Variants in PARD3 observed in about 807,000 individuals in gnomAD.
PARD3 encodes the protein partitioning defective 3 homolog.
A neutral mutation model predicts 155.4 loss-of-function variants in PARD3; 75 were observed. The ratio of observed to expected loss-of-function variants is 0.48; its 90% CI spans 0.40 to 0.58. The LOEUF is 0.58. Ranked by LOEUF, PARD3 falls within the 20% of genes least tolerant of loss-of-function variation. The pLI is 0.00. For missense variants in PARD3, 1,642 were observed against 1,721.7 expected, an observed-to-expected ratio of 0.95 and a Z score of 0.82; for synonymous variants, 576 against 610.5, an observed-to-expected ratio of 0.94 and a Z score of 0.83.
chr10:34,396,384 A>C (rs7904414), intron 7 of PARD3, among the ~76,000 whole-genome samples: 6,206 of 152,110 alleles, frequency 0.041, 408 homozygotes, highest in African/African-American at 0.14. Flanking sequence ...ACAACAAAAA[A>C]AACTTCATCA....
At position 34,807,390 on chromosome 10, in the gene PARD3, TA is replaced by T. The variant is rs138247614; in HGVS notation, c.120+7485del. 8.7e-3 allele frequency among the ~76,000 whole-genome samples: 1,325 copies of T among 152,356 alleles called. 10 individuals are homozygous for T. The highest frequency in any genetic ancestry group is 0.015 in the Non-Finnish European group (991 of 68,024). ...TTTTTCTAACATCTTTATTGACATA[TA>T]ATCACATAACCATAAACTCCATCCA... is the stretch of plus-strand genomic sequence containing the variant. On this transcript the variant is annotated intron_variant, in intron 1 of 24. Transcript: ENST00000374788.
chr10:34,490,130 T>G (rs1031025513), intron 3 of PARD3, among the ~76,000 whole-genome samples: 1 of 152,118 alleles, frequency 6.6e-6, no homozygotes, highest in Non-Finnish European at 1.5e-5. Context: ...GTGCAGTAAA[T>G]GCACATTAGC....
Position 34,706,332 on chromosome 10 carries a change from G to A in PARD3, c.121-9913C>T, listed in dbSNP as rs373391832. On this transcript the variant is annotated intron_variant, in intron 1 of 24. Coordinates refer to ENST00000374788, the MANE Select transcript of PARD3 (RefSeq NM_001184785.2). Reference sequence around the variant, plus strand: ...CCCAGGTCTGCTGATTTATTCCCAAGTCCTTTCTCAGACTAACACTGGCAG... The same window carrying A: ...CCCAGGTCTGCTGATTTATTCCCAAATCCTTTCTCAGACTAACACTGGCAG... Among the ~76,000 whole-genome samples the A allele has an allele frequency of 2.0e-5, 3 of 152,320 alleles. No individual in the cohort carries two copies. The East Asian group carries it at 5.8e-4, about 29-fold the overall frequency.
rs142020337 is a variant in PARD3, at chr10:34,760,556, T to G, written c.120+54320A>C. ...CCTTGTTGGCCAGGCTTTCTAGAAC[T>G]CCTGACCTCAAGTGATCTGCCCGCC... On this transcript the variant is annotated intron_variant, in intron 1 of 24. Transcript: ENST00000374788. Among the ~76,000 whole-genome samples, 19 of 152,304 alleles carry G rather than the reference T, an allele frequency of 1.2e-4. No homozygotes were observed. The East Asian group carries it at 3.7e-3, about 29-fold the overall frequency.
intron 2 of PARD3, among the ~76,000 whole-genome samples, chr10:34,549,964 T>C (rs981409531): frequency 1.4e-4 from 22 of 152,036 alleles, no homozygotes; most frequent in Non-Finnish European, 2.5e-4. Flanking sequence ...CCATCCAGCA[T>C]ACAAATGTAA....
chr10:34,470,165 T>C lies in PARD3; in HGVS notation c.502A>G (p.Lys168Glu). Residue 168 changes from lysine to glutamate, a missense_variant, in exon 4 of 25, where the codon AAA (lysine) becomes GAA (glutamate). Around this residue, in one of 3 missense-constraint regions of PARD3, gnomAD observed 1,529 missense variants for 1,587.3 expected, o/e 0.96. Coordinates refer to ENST00000374788, the MANE Select transcript of PARD3 (RefSeq NM_001184785.2). Reference protein sequence around the residue: ...SNFSSEEPSRKNPTRWSTTAG... With the variant: ...SNFSSEEPSRENPTRWSTTAG... ...GTTGTTGACCAGCGTGTGGGATTTT[T>C]CCTTGAAGGCTCTTCAGAGGAAAAA... 1.2e-6 allele frequency: 2 copies of C among 1,613,370 alleles called. No individual in the cohort carries two copies. Among genetic ancestry groups the C allele is most frequent in the East Asian group, 2.2e-5 (1 of 44,866 alleles).
chr10:34,194,038 A>C (rs907766296), intron 22 of PARD3, among the ~76,000 whole-genome samples: 1 of 152,088 alleles, frequency 6.6e-6, no homozygotes, highest in Non-Finnish European at 1.5e-5. Flanking sequence ...TTAAAATTTT[A>C]TCTCTCCGAT....
At position 34,263,531 on chromosome 10, in the gene PARD3, T is replaced by C. The variant is rs548956927; in HGVS notation, c.3419+6126A>G. Among the ~76,000 whole-genome samples the C allele has an allele frequency of 7.2e-5, 11 of 152,284 alleles. No homozygotes were observed. The South Asian group carries it at 1.0e-3, about 14-fold the overall frequency. On this transcript the variant is annotated intron_variant, in intron 22 of 24. Transcript: ENST00000374788. ...AAAAATAGTTGGGCATCATGTCATA[T>C]GCCTGTAGTCCTAGCTACTCAGGAA...
chr10:34,501,737 CA>C (rs987839394), intron 3 of PARD3, among the ~76,000 whole-genome samples: 116 of 142,760 alleles, frequency 8.1e-4, no homozygotes, highest in Non-Finnish European at 6.9e-4. Context: ...TCCTCCCCGC[CA>C]AAAAAAAAAA....
intron 3 of PARD3, among the ~76,000 whole-genome samples, chr10:34,510,217 T>TGAA: frequency 6.6e-6 from 1 of 152,300 alleles, no homozygotes; most frequent in East Asian, 1.9e-4. Context: ...GCCCCTCTTC[T>TGAA]AGGTAGCCCA....
At chr10:34,693,234 C>G (rs1043798300) in intron 2 of PARD3, among the ~76,000 whole-genome samples, 1 of 152,190 alleles carries the variant, frequency 6.6e-6, no homozygotes, top group Non-Finnish European at 1.5e-5. Context: ...TTCAACCCAG[C>G]AATCCCATTA....
chr10:34,519,644 C>T (rs2082003988), intron 2 of PARD3, among the ~76,000 whole-genome samples: 1 of 151,892 alleles, frequency 6.6e-6, no homozygotes, highest in Admixed American at 6.6e-5. Flanking sequence ...TGAAACCCAT[C>T]TCTACCAAAA....
chr10:34,366,349 G>C (rs1471706432), intron 12 of PARD3, among the ~76,000 whole-genome samples: 1 of 152,160 alleles, frequency 6.6e-6, no homozygotes, highest in Admixed American at 6.6e-5. Context: ...ATGAGGTAGG[G>C]TAGGCTGGGT....
At chr10:34,578,626 C>A (rs2087108639) in intron 2 of PARD3, among the ~76,000 whole-genome samples, 2 of 152,178 alleles carry the variant, frequency 1.3e-5, no homozygotes, top group Admixed American at 1.3e-4. Flanking sequence ...TATGAAGAAA[C>A]TGAAGCTGTA....
At chr10:34,780,825 C>T (rs866106011) in intron 1 of PARD3, among the ~76,000 whole-genome samples, 4 of 152,126 alleles carry the variant, frequency 2.6e-5, no homozygotes, top group South Asian at 4.1e-4. Flanking sequence ...ATAATCAGTG[C>T]GGAGGCAACA....
chr10:34,533,001 G>A (rs1769120010), intron 2 of PARD3, among the ~76,000 whole-genome samples: 1 of 152,122 alleles, frequency 6.6e-6, no homozygotes, highest in Non-Finnish European at 1.5e-5. Flanking sequence ...ATACAAACCT[G>A]TACAAGATGT....
At chr10:34,812,897 A>C (rs1844376259) in intron 1 of PARD3, among the ~76,000 whole-genome samples, 2 of 152,128 alleles carry the variant, frequency 1.3e-5, no homozygotes, top group African/African-American at 4.8e-5. Context: ...ACCACTGCTA[A>C]TCGTTAATAA....
chr10:34,420,850 CA>C (rs1846118916), intron 5 of PARD3, among the ~76,000 whole-genome samples: 1 of 152,164 alleles, frequency 6.6e-6, no homozygotes, highest in South Asian at 2.1e-4. Context: ...ATGTTCAGAA[CA>C]AAATTTAATA....
intron 5 of PARD3, among the ~76,000 whole-genome samples, chr10:34,432,770 C>T (rs2076011285): frequency 6.6e-6 from 1 of 152,138 alleles, no homozygotes; most frequent in African/African-American, 2.4e-5. Flanking sequence ...GTGACCAGCC[C>T]ATCCTTGCAG....
Sources: allele counts gnomAD v4.1 joint callset (sites outside exome capture counted in the v4.1 genomes callset), GRCh38; gene constraint gnomAD v4.1.1; regional missense constraint gnomAD v4.1.1; transcripts MANE v1.5; gene names NCBI Gene and HGNC (gene_info 2026-07-23, HGNC 2026-07-21).